Variants in SAMM50 observed in about 807,000 individuals in gnomAD.
The protein encoded by SAMM50 is SAMM50 sorting and assembly machinery component, also known as sorting and assembly machinery component 50 homolog.
Under a neutral mutation model 66.9 loss-of-function variants are expected in SAMM50, and 47 were observed. That is an observed-to-expected ratio of 0.70 (90% confidence interval 0.56 to 0.90). The LOEUF is 0.90. Among genes scored for constraint, SAMM50 ranks in the 40% least tolerant of loss-of-function variants. The pLI, the probability that SAMM50 is intolerant of heterozygous loss-of-function variation, is 0.00. For synonymous variants in SAMM50, 191 were observed against 214.1 expected (o/e 0.89, Z 0.94); for missense variants, 535 against 595.3 (o/e 0.90, Z 1.05).
intron 1 of SAMM50, 80 bp downstream of exon 1, chr22:43,955,678 G>A (rs2050115418): frequency 6.9e-7 from 1 of 1,457,998 alleles, no homozygotes; most frequent in East Asian, 2.5e-5. Context: ...ACGCTCTCGT[G>A]GCTGCGCCCA....
At chr22:43,982,790 C>T (rs143944768) in intron 11 of SAMM50, among the ~76,000 whole-genome samples, 1,585 of 152,272 alleles carry the variant, frequency 0.01, 6 homozygotes, top group Non-Finnish European at 0.015. Flanking sequence ...CACCCGGCAC[C>T]ACGCCCAGCT....
At position 43,989,142 on chromosome 22, in the gene SAMM50, C is replaced by T. The variant is rs144386024; in HGVS notation, c.1107C>T (p.Ala369=). The part of the protein sequence containing the change: ...GDYLGGEAYW[A]GGLHLYTPLP... ...ACCTAGGTGGAGAAGCGTACTGGGC[C>T]GGCGGCCTGCACCTCTACACCCCAT... is the stretch of plus-strand genomic sequence containing the variant. The change falls in exon 13 of 15, where the codon GCC becomes GCT. Residue 369 remains alanine (A), a synonymous_variant. Coordinates refer to ENST00000350028, the MANE Select transcript of SAMM50 (RefSeq NM_015380.5). 42 of 1,613,916 alleles carry T rather than the reference C, an allele frequency of 2.6e-5. No homozygotes were observed. The highest frequency in any genetic ancestry group is 8.8e-5 in the South Asian group (8 of 91,076).
chr22:43,957,589 A>C (rs1051628542), intron 1 of SAMM50, among the ~76,000 whole-genome samples: 10 of 151,974 alleles, frequency 6.6e-5, no homozygotes, highest in Admixed American at 1.3e-4. Context: ...CACCCAGCCA[A>C]TTTTTGTATT....
In SAMM50 at chr22:43,996,464, G is replaced by T; in HGVS notation, c.*81G>T. On this transcript the variant is annotated 3_prime_UTR_variant, in exon 15 of 15. Transcript: ENST00000350028. ...CACACACCGTCTCTCGAGGAAACGC[G>T]GTTCAGCGATTCTTTGACTGCGGAC... 3.7e-6 allele frequency: 5 copies of T among 1,339,476 alleles called. No individual in the cohort carries two copies. The highest frequency in any genetic ancestry group is 5.4e-6 in the Non-Finnish European group (5 of 930,312). 83.0% of individuals were successfully genotyped at this position (1,339,476 alleles called of 1,614,324 possible). A position where few individuals can be genotyped will look rare whatever the true frequency, so the allele number is the denominator to read the frequency against.
Position 43,972,312 on chromosome 22 carries a change from C to T in SAMM50, c.399C>T (p.Asn133=), listed in dbSNP as rs375131209. The T allele has an allele frequency of 1.2e-5, 19 of 1,605,100 alleles. No individual in the cohort carries two copies. Among genetic ancestry groups the T allele is most frequent in the African/African-American group, 1.3e-5 (1 of 74,594 alleles). Reference sequence around the variant, plus strand: ...TGAGGAGATTAACGGGCAGTTATAACACCATGGTTGGAAACAATGAAGGCA... The same window carrying T: ...TGAGGAGATTAACGGGCAGTTATAATACCATGGTTGGAAACAATGAAGGCA... ...TELRRLTGSY[N]TMVGNNEGSM... The change falls in exon 5 of 15, where the codon AAC becomes AAT. Residue 133 remains asparagine, a synonymous_variant. Transcript: ENST00000350028.
intron 1 of SAMM50, 99 bp from the exon 2 acceptor site, chr22:43,963,187 C>T (rs564335964): frequency 2.8e-6 from 2 of 702,036 alleles, no homozygotes; most frequent in Non-Finnish European, 4.8e-6. Context: ...GGAACAACTA[C>T]TGAATTTTCT....
At chr22:43,991,488 G>T (rs2050324715) in intron 14 of SAMM50, among the ~76,000 whole-genome samples, 1 of 151,842 alleles carries the variant, frequency 6.6e-6, no homozygotes, top group African/African-American at 2.4e-5. Flanking sequence ...GGCTGGTCTT[G>T]AATTCCTGGG....
At chr22:43,970,510 G>A (rs1244270600) in intron 4 of SAMM50, among the ~76,000 whole-genome samples, 1 of 152,192 alleles carries the variant, frequency 6.6e-6, no homozygotes, top group Non-Finnish European at 1.5e-5. Flanking sequence ...GTTGTACACG[G>A]CACTGCTCTC....
rs989519862 is a variant in SAMM50 at position 43,973,120 on chromosome 22, G to A, written c.561-116G>A. The A allele has an allele frequency of 5.7e-6, 8 of 1,397,432 alleles. No individual in the cohort carries two copies. The African/African-American group carries it at 7.2e-5, about 13-fold the overall frequency. The allele number at this position is 1,397,432 out of a possible 1,614,324, so 86.6% of individuals were successfully genotyped here. A position where few individuals can be genotyped will look rare whatever the true frequency, so the allele number is the denominator to read the frequency against. On this transcript the variant is annotated intron_variant, in intron 6 of 14. Transcript: ENST00000350028. ...GCCACTTCTGCAGTGACCACATGCT[G>A]TAGATTTCCTCTTGAAGATGAGCCC...
intron 10 of SAMM50, 116 bp from the exon 11 acceptor site, chr22:43,981,275 C>T (rs991642385): frequency 2.5e-6 from 2 of 789,340 alleles, no homozygotes; most frequent in East Asian, 2.6e-5. Context: ...CCTTGCACCC[C>T]ATCGCGGAGC....
chr22:43,967,197 G>A (rs935038727), intron 3 of SAMM50, among the ~76,000 whole-genome samples: 1 of 152,148 alleles, frequency 6.6e-6, no homozygotes, highest in Non-Finnish European at 1.5e-5. Flanking sequence ...GCCTGAATGC[G>A]GAGGGCTCCC....
intron 12 of SAMM50, chr22:43,986,942 T>C (rs2050297783): frequency 2.0e-5 from 3 of 152,240 alleles, no homozygotes; most frequent in Non-Finnish European, 4.4e-5. Context: ...GTCGAAAGTA[T>C]AGATTATTTC....
In SAMM50 at chr22:43,963,284, A is replaced by C; in HGVS notation, c.22-2A>C. The C allele has an allele frequency of 6.3e-7, 1 of 1,595,694 alleles. No homozygotes were observed. Among genetic ancestry groups the C allele is most frequent in the South Asian group, 1.1e-5 (1 of 89,264 alleles). Reference sequence around the variant, plus strand: ...TATCTGTGGTCGCTCCCTCCCTTTCAGAGTTTGGAGCCTCTTCCATCAAGT... The same window carrying C: ...TATCTGTGGTCGCTCCCTCCCTTTCCGAGTTTGGAGCCTCTTCCATCAAGT... On this transcript the variant is annotated splice_acceptor_variant, in intron 1 of 14. Transcript: ENST00000350028. LOFTEE classifies it high-confidence loss of function.
intron 7 of SAMM50, chr22:43,975,795 C>T (rs1239771513): frequency 5.0e-6 from 2 of 401,324 alleles, no homozygotes; most frequent in East Asian, 7.9e-5. Flanking sequence ...AGCCCTGTCC[C>T]TCACCTGGGG....
At chr22:43,969,996 G>GC (rs1195278098) in intron 4 of SAMM50, among the ~76,000 whole-genome samples, 4 of 152,150 alleles carry the variant, frequency 2.6e-5, no homozygotes, top group African/African-American at 9.7e-5. Flanking sequence ...TTTTGAGAAG[G>GC]CCTAGATAAG....
At chr22:43,957,289 C>A (rs1304035862) in intron 1 of SAMM50, 7 of 658,282 alleles carry the variant, frequency 1.1e-5, no homozygotes, top group Non-Finnish European at 2.0e-5. Context: ...CTGAAGCAAT[C>A]TTCCTGCTAA....
At chr22:43,966,029 C>T (rs61329366) in intron 3 of SAMM50, among the ~76,000 whole-genome samples, 52 of 152,142 alleles carry the variant, frequency 3.4e-4, no homozygotes, top group African/African-American at 1.2e-3. Flanking sequence ...TCTGTAGAGA[C>T]GGGGTTTTGC....
At chr22:43,992,368 G>C (rs371050403) in intron 14 of SAMM50, among the ~76,000 whole-genome samples, 9 of 152,242 alleles carry the variant, frequency 5.9e-5, no homozygotes, top group Non-Finnish European at 1.3e-4. Context: ...TCTGCTCCGC[G>C]TCTGGGGACA....
At chr22:43,976,704 A>G (rs1569030518) in intron 8 of SAMM50, 46 bp from the exon 9 acceptor site, 5 of 1,442,040 alleles carry the variant, frequency 3.5e-6, no homozygotes, top group Non-Finnish European at 4.9e-6. Context: ...TGGTTATCTA[A>G]TAGAACTTCT....
Sources: gnomAD v4.1 joint callset for allele counts (sites outside exome capture counted in the v4.1 genomes callset) on GRCh38, gnomAD v4.1.1 for gene constraint, MANE v1.5 for transcripts, NCBI Gene and HGNC (gene_info 2026-07-23, HGNC 2026-07-21) for gene names.